Variants in KIF12 observed in about 807,000 individuals in gnomAD.
KIF12 encodes kinesin family member 12.
In KIF12, 80 loss-of-function variants were observed where a neutral mutation model predicts 87.9. That is an observed-to-expected ratio of 0.91 (90% CI 0.76 to 1.10). KIF12 has a LOEUF of 1.10. Among genes scored for constraint, KIF12 ranks in the 50% least tolerant of loss-of-function variants. The pLI is 0.00. For missense variants in KIF12, 819 were observed against 865.3 expected (o/e 0.95, Z 0.67); for synonymous variants, 353 against 348.5 (o/e 1.01, Z -0.14).
At position 114,092,591 on chromosome 9, in the gene KIF12, G is replaced by T; in HGVS notation, c.1648C>A (p.Pro550Thr). Residue 550 changes from proline to threonine, a missense_variant, in exon 17 of 19, where the codon CCC (proline) becomes ACC (threonine). Transcript: ENST00000640217. The stretch of plus-strand genomic sequence containing the variant: ...CCAGGGCTGCATGGGGGTGCCCAGG[G>T]TGGGGGCCGGGCAGATGGGGGCCTG... ...GGRPPSARPP[P>T]WAPPCSPGSA... The T allele has an allele frequency of 6.2e-7, 1 of 1,605,824 alleles. No homozygotes were observed. The highest frequency in any genetic ancestry group is 1.3e-5 in the African/African-American group (1 of 74,970).
chr9:114,098,413 C>A lies in KIF12; in HGVS notation c.188G>T (p.Gly63Val). 1 of 1,499,216 alleles carries A rather than the reference C, an allele frequency of 6.7e-7. No homozygotes were observed. The highest frequency in any genetic ancestry group is 1.2e-5 in the South Asian group (1 of 81,320). The allele number at this position is 1,499,216 out of a possible 1,614,324, so 92.9% of individuals were successfully genotyped here. The change falls in exon 4 of 19, where the codon GGG becomes GTG. Residue 63 changes from glycine (G) to valine (V), a missense_variant. Transcript: ENST00000640217. ...GAAGCGGAACGCCACTTCTGGACCCCCGCCTGGAGGACTCACCTGGCGCGG... is the reference window on the plus strand; with the variant it reads ...GAAGCGGAACGCCACTTCTGGACCCACGCCTGGAGGACTCACCTGGCGCGG... ...TRTLQVSPPG[G>V]GPEVAFRFGA...
Position 114,097,945 on chromosome 9 carries a change from A to C in KIF12, c.375+170T>G, listed in dbSNP as rs188224677. The C allele has an allele frequency of 2.8e-4, 267 of 938,638 alleles. 1 individual carries two copies. The East Asian group carries it at 6.2e-3, about 22-fold the overall frequency. The allele number at this position is 938,638 out of a possible 1,614,324, so 58.1% of individuals were successfully genotyped here. On this transcript the variant is annotated intron_variant, in intron 5 of 18. Transcript: ENST00000640217. ...CCAAAGTTGAAGCCCAAATGCTCCA[A>C]ATTGGGCAAGTCCCTTCTCTTTGGT...
intron 15 of KIF12, 27 bp downstream of exon 15, chr9:114,093,380 C>T: frequency 1.3e-6 from 2 of 1,556,490 alleles, no homozygotes; most frequent in South Asian, 1.2e-5. Flanking sequence ...TACTTGTCAC[C>T]CCTCCAGGCT....
At position 114,096,173 on chromosome 9, in the gene KIF12, G is replaced by A. The variant is rs1397208885; in HGVS notation, c.773C>T (p.Pro258Leu). The A allele has an allele frequency of 5.0e-6, 8 of 1,613,818 alleles. No homozygotes were observed. The South Asian group carries it at 7.7e-5, about 16-fold the overall frequency. The change falls in exon 9 of 19, where the codon CCC (proline) becomes CTC (leucine). Residue 258 changes from proline (P) to leucine (L), a missense_variant. Physicochemically the swap from Pro to Leu is moderately conservative, Grantham distance 98. Transcript: ENST00000640217. ...AAAGCACAGCTTCCCACCAACAGGG[G>A]GCTCCCCAGGGTCCACAGAAGGCAT... ...QQMPSVDPGE[P>L]PVGGKLCFVD...
In KIF12 at chr9:114,094,435, G is replaced by A. The variant is rs766705828; in HGVS notation, c.1140C>T (p.Pro380=). The A allele has an allele frequency of 6.2e-7, 1 of 1,613,236 alleles. No homozygotes were observed. Among genetic ancestry groups the A allele is most frequent in the Admixed American group, 1.7e-5 (1 of 60,012 alleles). Residue 380 remains proline (P), a synonymous_variant, in exon 12 of 19, where the codon CCC becomes CCT. Transcript: ENST00000640217. ...GCAGCATCTCTGTCTCCAAACGCTG[G>A]GGCTGCTTTGCCACAGGAGACTGTA... ...QAPKSPVAKQ[P]QRLETEMLQL...
At position 114,097,592 on chromosome 9, in the gene KIF12, C is replaced by T. The variant is rs1418902846; in HGVS notation, c.510+15G>A. Reference sequence around the variant, plus strand: ...TTCCTCATGGGCTGTCTTTCTATTCCTCTCATTCCCTTACCTGCTCATTGT... The same window carrying T: ...TTCCTCATGGGCTGTCTTTCTATTCTTCTCATTCCCTTACCTGCTCATTGT... On this transcript the variant is annotated intron_variant, in intron 6 of 18. Coordinates refer to ENST00000640217, the MANE Select transcript of KIF12 (RefSeq NM_001388308.1). 1.9e-6 allele frequency: 3 copies of T among 1,613,724 alleles called. No individual in the cohort carries two copies. Among genetic ancestry groups the T allele is most frequent in the Non-Finnish European group, 2.5e-6 (3 of 1,179,822 alleles).
rs1847123679 is a variant in KIF12, at chr9:114,094,439, T to C, written c.1136A>G (p.Gln379Arg). 1.6e-5 allele frequency: 25 copies of C among 1,612,762 alleles called. No individual in the cohort carries two copies. The highest frequency in any genetic ancestry group is 2.0e-5 in the Non-Finnish European group (24 of 1,178,948). ...CATCTCTGTCTCCAAACGCTGGGGC[T>C]GCTTTGCCACAGGAGACTGTAGGGA... ...PQAPKSPVAK[Q>R]PQRLETEMLQ... The change falls in exon 12 of 19, where the codon CAG becomes CGG. Residue 379 changes from glutamine to arginine, a missense_variant. Physicochemically the swap from Gln to Arg is conservative, Grantham distance 43 (BLOSUM62 1). Transcript: ENST00000640217.
At position 114,098,435 on chromosome 9, in the gene KIF12, G is replaced by T; in HGVS notation, c.172-6C>A. On this transcript the variant is annotated splice_region_variant and splice_polypyrimidine_tract_variant and intron_variant, in intron 3 of 18. Transcript: ENST00000640217. ...CCCCCGCCTGGAGGACTCACCTGGC[G>T]CGGGTGGGGCGGAGGAGCGGGGCAC... The T allele has an allele frequency of 6.6e-7, 1 of 1,505,338 alleles. No individual in the cohort carries two copies. The highest frequency in any genetic ancestry group is 8.8e-7 in the Non-Finnish European group (1 of 1,135,516). The allele number at this position is 1,505,338 out of a possible 1,614,324, so 93.2% of individuals were successfully genotyped here. A position where few individuals can be genotyped will look rare whatever the true frequency, so the allele number is the denominator to read the frequency against.
chr9:114,095,509 G>A (rs1465541278), intron 9 of KIF12, among the ~76,000 whole-genome samples, 177 bp from the exon 10 acceptor site: 2 of 152,182 alleles, frequency 1.3e-5, no homozygotes, highest in Admixed American at 1.3e-4. Flanking sequence ...ACTCTTTGAG[G>A]GCAGAGAAGG....
Position 114,098,187 on chromosome 9 carries a change from G to C in KIF12, c.303C>G (p.Phe101Leu). Residue 101 changes from phenylalanine to leucine, a missense_variant, in exon 5 of 19, where the codon TTC (phenylalanine) becomes TTG (leucine). Transcript: ENST00000640217. ...GGCCAAAGGTGAAAACAGTGCAGGA[G>C]AAACTGCGGGCGGCAAGGGCGTGGC... ...RRLGELALRG[F>L]SCTVFTFGQT... 1 of 1,545,780 alleles carries C rather than the reference G, an allele frequency of 6.5e-7. No individual in the cohort carries two copies. The highest frequency in any genetic ancestry group is 8.7e-7 in the Non-Finnish European group (1 of 1,145,510).
At chr9:114,092,237 C>T in intron 18 of KIF12, 96 bp downstream of exon 18, 1 of 1,484,306 alleles carries the variant, frequency 6.7e-7, no homozygotes, top group Non-Finnish European at 9.0e-7. Context: ...TCAACACCCA[C>T]CCCATTTCAG....
At position 114,092,645 on chromosome 9, in the gene KIF12, G is replaced by A; in HGVS notation, c.1597-3C>T. The A allele has an allele frequency of 6.3e-7, 1 of 1,582,430 alleles. No individual in the cohort carries two copies. The highest frequency in any genetic ancestry group is 1.1e-5 in the South Asian group (1 of 87,250). On this transcript the variant is annotated splice_region_variant and splice_polypyrimidine_tract_variant and intron_variant, in intron 16 of 18. Coordinates refer to ENST00000640217, the MANE Select transcript of KIF12 (RefSeq NM_001388308.1). ...CCTGAGGCCTCAGGGTCCAACACCT[G>A]TAGGAAAGACCAGAGTCCACTCTGG... is the stretch of plus-strand genomic sequence containing the variant.
chr9:114,096,055 G>A lies in KIF12; in HGVS notation c.891C>T (p.Ala297=). The A allele has an allele frequency of 6.2e-7, 1 of 1,610,224 alleles. No homozygotes were observed. Among genetic ancestry groups the A allele is most frequent in the Non-Finnish European group, 8.5e-7 (1 of 1,178,406 alleles). The change falls in exon 9 of 19, where the codon GCC becomes GCT. Residue 297 remains alanine, a synonymous_variant. Transcript: ENST00000640217. ...EANSINRSLL[A]LGHCISLLLD... is the part of the protein sequence containing the mutation. ...CCGGTGGCCCCCAGGTCTCACCCAGGGCCAGCAGGCTTCGGTTGATGCTGT... is the reference window on the plus strand; with the variant it reads ...CCGGTGGCCCCCAGGTCTCACCCAGAGCCAGCAGGCTTCGGTTGATGCTGT...
At position 114,094,251 on chromosome 9, in the gene KIF12, G is replaced by C. The variant is rs758371889; in HGVS notation, c.1243C>G (p.Arg415Gly). 34 of 1,613,884 alleles carry C rather than the reference G, an allele frequency of 2.1e-5. No homozygotes were observed. Among genetic ancestry groups the C allele is most frequent in the Non-Finnish European group, 2.7e-5 (32 of 1,179,990 alleles). The change falls in exon 13 of 19, where the codon CGG becomes GGG. Residue 415 changes from arginine to glycine, a missense_variant. Physicochemically the swap from Arg to Gly is moderately radical, Grantham distance 125 (BLOSUM62 -2). Transcript: ENST00000640217. ...DCKASGLSGA[R>G]VAWAQRNLYG... ...AGGTTCCGCTGGGCCCAGGCCACCC[G>C]GGCTCCACTGAGCCCTGAGGCTGCA...
chr9:114,092,733 G>T, intron 16 of KIF12, 91 bp from the exon 17 acceptor site: 29 of 1,514,498 alleles, frequency 1.9e-5, no homozygotes, highest in Non-Finnish European at 2.5e-5. Flanking sequence ...ACCCCACCAT[G>T]CCTACCCCAC....
chr9:114,099,218 G>A (rs937670139), intron 1 of KIF12, 33 bp downstream of exon 1: 1 of 1,550,900 alleles, frequency 6.4e-7, no homozygotes, highest in Non-Finnish European at 8.7e-7. Flanking sequence ...CGGCTGTTCA[G>A]GACTCCTCGA....
At position 114,091,992 on chromosome 9, in the gene KIF12, CG is replaced by C. The variant is rs1305406549; in HGVS notation, c.1824del (p.Val610PhefsTer54). The C allele has an allele frequency of 1.2e-6, 2 of 1,611,358 alleles. No individual in the cohort carries two copies. The highest frequency in any genetic ancestry group is 8.5e-7 in the Non-Finnish European group (1 of 1,179,352). On this transcript the variant is annotated frameshift_variant, in exon 19 of 19. Coordinates refer to ENST00000640217, the MANE Select transcript of KIF12 (RefSeq NM_001388308.1). LOFTEE classifies it low-confidence loss of function (END_TRUNC). ...AGTCTCTGGGCCAGGTTTGGAACCC[CG>C]GCCCCACCTAAGGAGCAGTGAGACT... ...PKTSPGLRGG[A>X]GVPNLAQRLE...
chr9:114,095,140 C>T lies in KIF12; in HGVS notation c.1015-13G>A, dbSNP rs1422649485. Reference sequence around the variant, plus strand: ...ACACGCAGGCCACCTGGGGAGTGCACTCCCCCTGAGCGCTCCTCTCTGAGG... The same window carrying T: ...ACACGCAGGCCACCTGGGGAGTGCATTCCCCCTGAGCGCTCCTCTCTGAGG... On this transcript the variant is annotated splice_polypyrimidine_tract_variant and intron_variant, in intron 10 of 18. Transcript: ENST00000640217. 2.5e-6 allele frequency: 4 copies of T among 1,605,988 alleles called. No individual in the cohort carries two copies. Among genetic ancestry groups the T allele is most frequent in the Non-Finnish European group, 3.4e-6 (4 of 1,176,094 alleles).
Position 114,099,255 on chromosome 9 carries a change from C to A in KIF12, c.22G>T (p.Asp8Tyr). 2 of 1,551,106 alleles carry A rather than the reference C, an allele frequency of 1.3e-6. No homozygotes were observed. Among genetic ancestry groups the A allele is most frequent in the South Asian group, 1.2e-5 (1 of 84,052 alleles). MEERGSP[D>Y]GDLARSLEQG... The stretch of plus-strand genomic sequence containing the variant: ...CCTGTCTGAAGATCTGCTTACCCGT[C>A]GGGTGACCCGCGTTCTTCCATGTCC... The change falls in exon 1 of 19, where the codon GAC (aspartate) becomes TAC (tyrosine). Residue 8 changes from aspartate to tyrosine, a missense_variant. Coordinates refer to ENST00000640217, the MANE Select transcript of KIF12 (RefSeq NM_001388308.1).
Sources: allele counts gnomAD v4.1 joint callset (sites outside exome capture counted in the v4.1 genomes callset), GRCh38; gene constraint gnomAD v4.1.1; transcripts MANE v1.5; gene names NCBI Gene and HGNC (gene_info 2026-07-23, HGNC 2026-07-21).